The following PARD3B variants were observed in gnomAD, a reference collection of about 807,000 sequenced individuals.
PARD3B encodes par-3 family cell polarity regulator beta.
In PARD3B, 103 loss-of-function variants were observed where a neutral mutation model predicts 130.2. That is an observed-to-expected ratio of 0.79 (90% CI 0.67 to 0.93). PARD3B has a LOEUF of 0.93. Ranked by LOEUF, PARD3B falls within the 40% of genes least tolerant of loss-of-function variation. The pLI, the probability that PARD3B is intolerant of heterozygous loss-of-function variation, is 0.00. For synonymous variants in PARD3B, 583 were observed against 553.2 expected (o/e 1.05, Z -0.76); for missense variants, 1,609 against 1,499.2 (o/e 1.07, Z -1.21).
intron 2 of PARD3B, among the ~76,000 whole-genome samples, chr2:204,696,595 C>T (rs1035098998): frequency 4.6e-5 from 7 of 152,002 alleles, no homozygotes; most frequent in Non-Finnish European, 8.8e-5. Flanking sequence ...ACCGCTTGTA[C>T]TTATAGATAC....
At chr2:205,492,352 A>G (rs2049749659) in intron 20 of PARD3B, among the ~76,000 whole-genome samples, 1 of 152,216 alleles carries the variant, frequency 6.6e-6, no homozygotes, top group Non-Finnish European at 1.5e-5. Context: ...AGAATATTAT[A>G]GGCAATTATA....
intron 18 of PARD3B, among the ~76,000 whole-genome samples, chr2:205,381,252 TTATATATATAA>T (rs1275162975): frequency 3.7e-5 from 5 of 136,616 alleles, no homozygotes; most frequent in African/African-American, 1.1e-4. Flanking sequence ...AGAATATATG[TTATATATATAA>T]TATATATGTG....
At chr2:204,772,844 A>G (rs1429526822) in intron 2 of PARD3B, among the ~76,000 whole-genome samples, 2 of 151,790 alleles carry the variant, frequency 1.3e-5, no homozygotes, top group African/African-American at 2.4e-5. Flanking sequence ...AAATGTTGGA[A>G]TAAGTAAATG....
At chr2:204,921,196 A>G (rs2047664312) in intron 2 of PARD3B, among the ~76,000 whole-genome samples, 1 of 152,216 alleles carries the variant, frequency 6.6e-6, no homozygotes, top group Non-Finnish European at 1.5e-5. Context: ...CCGCATTTTT[A>G]ATAGAATTCA....
intron 8 of PARD3B, among the ~76,000 whole-genome samples, chr2:205,123,218 A>T (rs557303707): frequency 4.5e-4 from 69 of 152,342 alleles, no homozygotes; most frequent in African/African-American, 1.6e-3. Flanking sequence ...GACTGGTTGT[A>T]GGAAGGAAAA....
intron 4 of PARD3B, among the ~76,000 whole-genome samples, chr2:205,054,679 G>C (rs1699523708): frequency 6.6e-6 from 1 of 151,158 alleles, no homozygotes; most frequent in South Asian, 2.1e-4. Flanking sequence ...AAACTGAATG[G>C]GTTTTGTTTT....
chr2:204,646,952 A>G (rs1310617794), intron 1 of PARD3B, among the ~76,000 whole-genome samples: 1 of 152,052 alleles, frequency 6.6e-6, no homozygotes, highest in South Asian at 2.1e-4. Flanking sequence ...TACAAATTCT[A>G]TTTTATAATA....
At position 204,967,061 on chromosome 2, in the gene PARD3B, T is replaced by C. The variant is rs1041439834; in HGVS notation, c.394+1738T>C. ...CCATTTTGCTGTGCTGCCTCTGACA[T>C]GCAATTCCTAAAACAACCAACTAAT... is the stretch of plus-strand genomic sequence containing the variant. On this transcript the variant is annotated intron_variant, in intron 3 of 22. Coordinates refer to ENST00000406610, the MANE Select transcript of PARD3B (RefSeq NM_001302769.2). The surrounding 1 kb of genome is among the most constrained non-coding windows in gnomAD (Gnocchi z 4.4). Among the ~76,000 whole-genome samples the C allele has an allele frequency of 2.0e-5, 3 of 152,204 alleles. No homozygotes were observed. Among genetic ancestry groups the C allele is most frequent in the African/African-American group, 7.2e-5 (3 of 41,460 alleles).
At chr2:205,278,992 A>T (rs532485716) in intron 16 of PARD3B, among the ~76,000 whole-genome samples, 1 of 142,302 alleles carries the variant, frequency 7.0e-6, no homozygotes, top group South Asian at 2.3e-4. Context: ...AATTGCTTGA[A>T]CCCAGGAGGC....
intron 21 of PARD3B, among the ~76,000 whole-genome samples, chr2:205,542,790 C>T (rs1261180291): frequency 2.0e-5 from 3 of 152,102 alleles, no homozygotes; most frequent in East Asian, 3.9e-4. Context: ...CAAATGGTTT[C>T]GATTTATACT....
At position 204,610,471 on chromosome 2, in the gene PARD3B, T is replaced by A. The variant is rs2033882071; in HGVS notation, c.120+64352T>A. Among the ~76,000 whole-genome samples, 1 of 152,216 alleles carries A rather than the reference T, an allele frequency of 6.6e-6. No individual in the cohort carries two copies. The highest frequency in any genetic ancestry group is 2.4e-5 in the African/African-American group (1 of 41,462). On this transcript the variant is annotated intron_variant, in intron 1 of 22. Transcript: ENST00000406610. This position sits in a 1 kb window ranked among gnomAD's most constrained non-coding sequence, Gnocchi z 4.1. ...CCCATGTTAAAGCGATTCTCCTGCG[T>A]CAGCCTCCCGAGTGGCTGGGATTAC...
chr2:205,275,810 CT>C (rs2040921424), intron 16 of PARD3B, among the ~76,000 whole-genome samples: 2 of 129,332 alleles, frequency 1.5e-5, no homozygotes, highest in South Asian at 5.0e-4. Flanking sequence ...GCACCCCAGC[CT>C]GAGCAACAAG....
chr2:205,238,890 A>ATATATATATATATATATGTATGTG (rs1559575161), intron 15 of PARD3B, among the ~76,000 whole-genome samples: 168 of 102,706 alleles, frequency 1.6e-3, no homozygotes, highest in African/African-American at 6.8e-3. Context: ...ATGTGTGTAT[A>ATATATATATATATATATGTATGTG]TATATATATA....
chr2:205,253,339 T>C lies in PARD3B; in HGVS notation c.2185+7517T>C. The C allele has an allele frequency of 5.5e-6, 3 of 547,370 alleles. No individual in the cohort carries two copies. Among genetic ancestry groups the C allele is most frequent in the South Asian group, 4.3e-5 (3 of 70,172 alleles). 33.9% of individuals were successfully genotyped at this position (547,370 alleles called of 1,614,324 possible). A position where few individuals can be genotyped will look rare whatever the true frequency, so the allele number is the denominator to read the frequency against. On this transcript the variant is annotated intron_variant, in intron 16 of 22. Transcript: ENST00000406610. The surrounding 1 kb of genome is among the most constrained non-coding windows in gnomAD (Gnocchi z 4.4). Reference sequence around the variant, plus strand: ...CCTACAAAGGAGGCCATGGAACCGATGGAACTGATGGAGGAAATGCTGGGA... The same window carrying C: ...CCTACAAAGGAGGCCATGGAACCGACGGAACTGATGGAGGAAATGCTGGGA...
intron 2 of PARD3B, among the ~76,000 whole-genome samples, chr2:204,946,792 G>C (rs897836120): frequency 6.6e-6 from 1 of 152,180 alleles, no homozygotes; most frequent in Non-Finnish European, 1.5e-5. Flanking sequence ...GTCCTGGTCA[G>C]ATAGCCTGAG....
In PARD3B at chr2:205,609,653, G is replaced by T. The variant is rs1472265050; in HGVS notation, c.3261-5803G>T. Among the ~76,000 whole-genome samples, 8 of 152,306 alleles carry T rather than the reference G, an allele frequency of 5.3e-5. 2 individuals carry two copies. In the South Asian group the frequency reaches 1.7e-3, roughly 32 times the overall value. ...ACCCTTTGGAAGGTTTTCTGTAAGT[G>T]AAAAACCCAATGCATATGCCTAAGC... On this transcript the variant is annotated intron_variant, in intron 22 of 22. Coordinates refer to ENST00000406610, the MANE Select transcript of PARD3B (RefSeq NM_001302769.2).
At chr2:204,833,765 C>G (rs951641150) in intron 2 of PARD3B, among the ~76,000 whole-genome samples, 1 of 152,116 alleles carries the variant, frequency 6.6e-6, no homozygotes, top group Non-Finnish European at 1.5e-5. Context: ...ATCTCTTTTT[C>G]TTTATAAACA....
Position 205,510,735 on chromosome 2 carries a change from C to T in PARD3B, c.3180+10704C>T, listed in dbSNP as rs1403436641. On this transcript the variant is annotated intron_variant, in intron 21 of 22. Coordinates refer to ENST00000406610, the MANE Select transcript of PARD3B (RefSeq NM_001302769.2). ...AGAAATACCAGGGTCCAGTTAAGCG[C>T]TTAAAATAGGAGGGTGAGATACAAA... Among the ~76,000 whole-genome samples the T allele has an allele frequency of 2.0e-5, 3 of 152,110 alleles. No homozygotes were observed. The South Asian group carries it at 6.2e-4, about 31-fold the overall frequency.
chr2:205,502,682 T>A (rs995725959), intron 21 of PARD3B, among the ~76,000 whole-genome samples: 3 of 152,246 alleles, frequency 2.0e-5, no homozygotes, highest in African/African-American at 7.2e-5. Context: ...ACCTAACAAC[T>A]ACTCGTAAAC....
Sources: allele counts gnomAD v4.1 joint callset (sites outside exome capture counted in the v4.1 genomes callset), GRCh38; gene constraint gnomAD v4.1.1; non-coding constraint Gnocchi (gnomAD v3.1); transcripts MANE v1.5; gene names NCBI Gene and HGNC (gene_info 2026-07-23, HGNC 2026-07-21).